The following KCNT2 variants were observed in gnomAD, a reference collection of about 807,000 sequenced individuals.
The protein encoded by KCNT2 is potassium sodium-activated channel subfamily T member 2, also known as potassium channel subfamily T member 2.
A neutral mutation model predicts 153.8 loss-of-function variants in KCNT2; 67 were observed. The ratio of observed to expected loss-of-function variants is 0.44; its 90% CI spans 0.36 to 0.53. The LOEUF is 0.53. KCNT2 is among the 20% of genes least tolerant of loss of function. KCNT2 has a pLI of 0.00. For missense variants in KCNT2, 975 were observed against 1,354.8 expected (o/e 0.72, Z 4.40); for synonymous variants, 500 against 458.8 (o/e 1.09, Z -1.15).
At chr1:196,371,009 C>G in intron 14 of KCNT2, among the ~76,000 whole-genome samples, 1 of 151,956 alleles carries the variant, frequency 6.6e-6, no homozygotes, top group East Asian at 1.9e-4. Context: ...CCAACATGCA[C>G]ATATATCCCC....
At chr1:196,352,083 G>C (rs112805811) in intron 14 of KCNT2, among the ~76,000 whole-genome samples, 1 of 152,058 alleles carries the variant, frequency 6.6e-6, no homozygotes, top group Non-Finnish European at 1.5e-5. Flanking sequence ...TAAGCTTTTG[G>C]ATGTGTTGCT....
intron 22 of KCNT2, among the ~76,000 whole-genome samples, chr1:196,300,128 G>T (rs1661041383): frequency 6.6e-6 from 1 of 152,178 alleles, no homozygotes. Context: ...TACACAGGCT[G>T]CAAGGAGTGT....
intron 1 of KCNT2, among the ~76,000 whole-genome samples, chr1:196,569,530 A>G (rs887852666): frequency 5.3e-5 from 8 of 152,290 alleles, no homozygotes; most frequent in South Asian, 2.1e-4. Flanking sequence ...TAAAGCTATC[A>G]TTTCATTTGT....
chr1:196,396,736 G>A (rs75890528), intron 13 of KCNT2, among the ~76,000 whole-genome samples: 2 of 151,360 alleles, frequency 1.3e-5, no homozygotes, highest in Non-Finnish European at 1.5e-5. Flanking sequence ...TGAGATAAAT[G>A]GTTGGGATAG....
chr1:196,454,221 A>G (rs1445621405), intron 8 of KCNT2, among the ~76,000 whole-genome samples: 1 of 151,940 alleles, frequency 6.6e-6, no homozygotes, highest in East Asian at 1.9e-4. Context: ...TTTTTTATAT[A>G]ATTTAAACTA....
At chr1:196,561,265 AT>A (rs895514146) in intron 1 of KCNT2, among the ~76,000 whole-genome samples, 5 of 151,744 alleles carry the variant, frequency 3.3e-5, no homozygotes, top group African/African-American at 9.7e-5. Context: ...AAGAGAAAAA[AT>A]GGTCAAAGTT....
At chr1:196,549,562 A>C (rs1037689643) in intron 1 of KCNT2, among the ~76,000 whole-genome samples, 1 of 151,822 alleles carries the variant, frequency 6.6e-6, no homozygotes, top group African/African-American at 2.4e-5. Context: ...AATTCTAGTA[A>C]TATACAGACA....
intron 1 of KCNT2, among the ~76,000 whole-genome samples, chr1:196,576,948 C>A (rs1661446661): frequency 6.6e-6 from 1 of 151,918 alleles, no homozygotes; most frequent in South Asian, 2.1e-4. Flanking sequence ...GAAAAGTGAT[C>A]GATTTTTCCA....
intron 22 of KCNT2, among the ~76,000 whole-genome samples, chr1:196,304,812 C>T (rs538802742): frequency 1.1e-4 from 17 of 152,208 alleles, no homozygotes; most frequent in African/African-American, 3.9e-4. Flanking sequence ...ACCTTGTTTT[C>T]CTCCCTCTGA....
At chr1:196,296,236 A>T (rs929048878) in intron 22 of KCNT2, among the ~76,000 whole-genome samples, 8 of 151,956 alleles carry the variant, frequency 5.3e-5, no homozygotes, top group African/African-American at 1.9e-4. Flanking sequence ...ATTAAGTTGA[A>T]AAATATTACA....
At chr1:196,277,489 G>A (rs1421985543) in intron 25 of KCNT2, among the ~76,000 whole-genome samples, 5 of 152,054 alleles carry the variant, frequency 3.3e-5, no homozygotes, top group South Asian at 2.1e-4. Context: ...AACTCTTTCC[G>A]GGGTCCAGAG....
chr1:196,447,003 A>C (rs1675744354), intron 8 of KCNT2, among the ~76,000 whole-genome samples: 1 of 151,576 alleles, frequency 6.6e-6, no homozygotes, highest in African/African-American at 2.4e-5. Context: ...GCTAGTATGA[A>C]AAGAATAATA....
At chr1:196,387,929 CTT>C (rs1171819729) in intron 13 of KCNT2, among the ~76,000 whole-genome samples, 3 of 130,626 alleles carry the variant, frequency 2.3e-5, no homozygotes, top group Admixed American at 7.6e-5. Flanking sequence ...GCCAATTTTT[CTT>C]TTTTTTTTTT....
intron 19 of KCNT2, among the ~76,000 whole-genome samples, chr1:196,320,831 C>T (rs1227850963): frequency 6.6e-6 from 1 of 151,664 alleles, no homozygotes; most frequent in East Asian, 1.9e-4. Flanking sequence ...TACGAATGTA[C>T]CACAATTCAT....
rs367978404 is a variant in KCNT2 at position 196,296,522 on chromosome 1, T to C, written c.2595+8712A>G. Reference sequence around the variant, plus strand: ...ATTCTACATCTTGTGGAGAAATTTATGCACTGAAAATAGTAAACTAATTAT... The same window carrying C: ...ATTCTACATCTTGTGGAGAAATTTACGCACTGAAAATAGTAAACTAATTAT... On this transcript the variant is annotated intron_variant, in intron 22 of 27. Transcript: ENST00000294725. Among the ~76,000 whole-genome samples the C allele has an allele frequency of 7.2e-5, 11 of 152,182 alleles. No individual in the cohort carries two copies. In the East Asian group the frequency reaches 1.9e-3, roughly 27 times the overall value.
At chr1:196,563,846 G>A (rs1572842656) in intron 1 of KCNT2, among the ~76,000 whole-genome samples, 1 of 151,796 alleles carries the variant, frequency 6.6e-6, no homozygotes, top group East Asian at 1.9e-4. Flanking sequence ...GAAAGTACAT[G>A]TAGAATAAAC....
chr1:196,369,160 GA>G, intron 14 of KCNT2, among the ~76,000 whole-genome samples: 1 of 152,180 alleles, frequency 6.6e-6, no homozygotes, highest in Admixed American at 6.6e-5. Context: ...CAAAGAAAAT[GA>G]ATTGCTAAAT....
intron 25 of KCNT2, among the ~76,000 whole-genome samples, chr1:196,259,787 C>A (rs1247456717): frequency 6.6e-6 from 1 of 151,890 alleles, no homozygotes; most frequent in African/African-American, 2.4e-5. Flanking sequence ...TCCAAAAAAT[C>A]TTCATCTCTT....
intron 1 of KCNT2, among the ~76,000 whole-genome samples, chr1:196,538,286 T>C (rs1655878162): frequency 6.6e-6 from 1 of 152,102 alleles, no homozygotes; most frequent in African/African-American, 2.4e-5. Flanking sequence ...ACTACCCATG[T>C]TGTGGCTACA....
Sources: allele counts gnomAD v4.1 joint callset (sites outside exome capture counted in the v4.1 genomes callset), GRCh38; gene constraint gnomAD v4.1.1; transcripts MANE v1.5; gene names NCBI Gene and HGNC (gene_info 2026-07-23, HGNC 2026-07-21).